The following EPB41L4A variants were observed in gnomAD, a reference collection of about 807,000 sequenced individuals.
EPB41L4A encodes band 4.1-like protein 4A.
A neutral mutation model predicts 108.6 loss-of-function variants in EPB41L4A; 100 were observed. The observed-to-expected ratio is 0.92, with a 90% CI of 0.78 to 1.09. EPB41L4A has a LOEUF of 1.09. Ranked by LOEUF, EPB41L4A falls within the 50% of genes least tolerant of loss-of-function variation. EPB41L4A has a pLI of 0.00. For synonymous variants in EPB41L4A, 319 were observed against 289.0 expected (o/e 1.10, Z -1.05); for missense variants, 1,030 against 842.7 (o/e 1.22, Z -2.75).
intron 17 of EPB41L4A, among the ~76,000 whole-genome samples, chr5:112,184,858 A>G (rs1044607665): frequency 3.3e-5 from 5 of 152,210 alleles, no homozygotes; most frequent in African/African-American, 9.7e-5. Flanking sequence ...AAAAAAAGAT[A>G]ATCCCCAAAT....
rs561220549 is a variant in EPB41L4A, at chr5:112,153,097, T to C, written n.994+5304A>G. ...AGCCTGGCATGGTGTTGTGGGCCTG[T>C]GGTCCCAGCTACTGAGGAGGCTGAG... On this transcript the variant is annotated intron_variant and non_coding_transcript_variant, in intron 12 of 13. Coordinates refer to the EPB41L4A transcript ENST00000507810. Among the ~76,000 whole-genome samples, 5 of 152,020 alleles carry C rather than the reference T, an allele frequency of 3.3e-5. No homozygotes were observed. The East Asian group carries it at 9.7e-4, about 30-fold the overall frequency.
chr5:112,267,353 C>T (rs965956444), intron 4 of EPB41L4A, among the ~76,000 whole-genome samples: 1 of 152,168 alleles, frequency 6.6e-6, no homozygotes. Context: ...ATCTCTTCTC[C>T]AAATGCACAC....
intron 2 of EPB41L4A, among the ~76,000 whole-genome samples, chr5:112,289,649 G>A (rs901969884): frequency 6.6e-6 from 1 of 152,216 alleles, no homozygotes; most frequent in African/African-American, 2.4e-5. Context: ...AACACAGAGA[G>A]TCCACAAGTA....
chr5:112,205,324 G>C, intron 14 of EPB41L4A, 97 bp downstream of exon 14: 1 of 1,030,472 alleles, frequency 9.7e-7, no homozygotes, highest in Admixed American at 1.7e-5. Context: ...AGCTAGCTGT[G>C]ATCAGCCACC....
At chr5:112,222,266 T>C (rs1056285711) in intron 12 of EPB41L4A, among the ~76,000 whole-genome samples, 9 of 152,240 alleles carry the variant, frequency 5.9e-5, no homozygotes, top group African/African-American at 2.2e-4. Flanking sequence ...CAAATCATTC[T>C]AGACCTTTCA....
At chr5:112,359,907 G>C (rs1011637444) in intron 1 of EPB41L4A, among the ~76,000 whole-genome samples, 4 of 152,142 alleles carry the variant, frequency 2.6e-5, no homozygotes, top group African/African-American at 9.7e-5. Context: ...TTATGATACA[G>C]CATTTTCACT....
chr5:112,390,829 C>A (rs562650868), intron 1 of EPB41L4A, among the ~76,000 whole-genome samples: 14 of 152,256 alleles, frequency 9.2e-5, no homozygotes, highest in Non-Finnish European at 2.1e-4. Flanking sequence ...GCTGGGTGCC[C>A]CTCTGAGACA....
intron 1 of EPB41L4A, among the ~76,000 whole-genome samples, chr5:112,345,767 A>G (rs1380661003): frequency 2.1e-5 from 1 of 47,170 alleles, no homozygotes; most frequent in East Asian, 4.4e-4. Context: ...ATATATATAT[A>G]CATATATATA....
intron 2 of EPB41L4A, among the ~76,000 whole-genome samples, chr5:112,286,315 A>C (rs1753274315): frequency 6.6e-6 from 1 of 152,196 alleles, no homozygotes; most frequent in African/African-American, 2.4e-5. Flanking sequence ...CTAGCACCCA[A>C]GGAGCTGAAC....
In EPB41L4A at chr5:112,248,233, A is replaced by C. The variant is rs956508205; in HGVS notation, c.796-7423T>G. ...TTTGCCATGTAGAGTAACTGCTGGC[A>C]TGAATTCCACTGCCATGGCATTTCA... is the stretch of plus-strand genomic sequence containing the variant. On this transcript the variant is annotated intron_variant, in intron 9 of 22. Transcript: ENST00000261486. Among the ~76,000 whole-genome samples, 45 of 152,216 alleles carry C rather than the reference A, an allele frequency of 3.0e-4. 1 individual carries two copies. Among genetic ancestry groups the C allele is most frequent in the African/African-American group, 9.2e-4 (38 of 41,450 alleles).
At chr5:112,289,223 C>A (rs988094472) in intron 2 of EPB41L4A, among the ~76,000 whole-genome samples, 3 of 152,008 alleles carry the variant, frequency 2.0e-5, no homozygotes, top group Non-Finnish European at 4.4e-5. Flanking sequence ...GTCTCGTATG[C>A]ATAATAGAAT....
chr5:112,218,605 G>C (rs1490866243), intron 12 of EPB41L4A, among the ~76,000 whole-genome samples: 1 of 152,192 alleles, frequency 6.6e-6, no homozygotes, highest in Non-Finnish European at 1.5e-5. Flanking sequence ...TCTCAGAGGA[G>C]AGTGCTAGAA....
intron 9 of EPB41L4A, among the ~76,000 whole-genome samples, chr5:112,253,224 G>A (rs565630840): frequency 1.3e-5 from 2 of 152,270 alleles, no homozygotes; most frequent in African/African-American, 2.4e-5. Flanking sequence ...GACAGCCAAC[G>A]AGGGACAGGT....
chr5:112,346,215 C>CTTTTTTTTTTTTTTTTTT lies in EPB41L4A; in HGVS notation c.100-38726_100-38725insAAAAAAAAAAAAAAAAAA, dbSNP rs1479210695. Among the ~76,000 whole-genome samples the CTTTTTTTTTTTTTTTTTT allele has an allele frequency of 4.9e-4, 24 of 49,036 alleles. 2 individuals are homozygous for CTTTTTTTTTTTTTTTTTT. The highest frequency in any genetic ancestry group is 0.031 in the Middle Eastern group (1 of 32). 32.2% of individuals were successfully genotyped at this position (49,036 alleles called of 152,430 possible). On this transcript the variant is annotated intron_variant, in intron 1 of 22. Coordinates refer to ENST00000261486, the MANE Select transcript of EPB41L4A (RefSeq NM_022140.5). ...AAATTCTTTAAAGTTAGGTACATTG[C>CTTTTTTTTTTTTTTTTTT]ATTTTTTTTTTTTTTTTTTTTTTTT... is the stretch of plus-strand genomic sequence containing the variant.
intron 12 of EPB41L4A, among the ~76,000 whole-genome samples, chr5:112,156,322 G>C (rs1275470309): frequency 6.6e-6 from 1 of 152,130 alleles, no homozygotes; most frequent in Non-Finnish European, 1.5e-5. Context: ...AATTATGGTA[G>C]CTCAGAAGTG....
At chr5:112,372,565 A>G (rs879239496) in intron 1 of EPB41L4A, among the ~76,000 whole-genome samples, 1 of 152,368 alleles carries the variant, frequency 6.6e-6, no homozygotes, top group African/African-American at 2.4e-5. Context: ...TGAAGGCAGG[A>G]AAGTATAGGA....
intron 2 of EPB41L4A, among the ~76,000 whole-genome samples, chr5:112,282,425 C>T (rs1019964422): frequency 2.0e-5 from 3 of 152,340 alleles, no homozygotes; most frequent in South Asian, 2.1e-4. Flanking sequence ...CACTTGCATT[C>T]GGTTTCCACT....
intron 12 of EPB41L4A, among the ~76,000 whole-genome samples, chr5:112,153,227 A>T (rs142965496): frequency 2.3e-4 from 34 of 150,172 alleles, no homozygotes; most frequent in African/African-American, 5.9e-4. Flanking sequence ...TCAAAAATTT[A>T]AAAAAAAAGA....
chr5:112,369,763 C>A (rs748246331), intron 1 of EPB41L4A, among the ~76,000 whole-genome samples: 1 of 152,138 alleles, frequency 6.6e-6, no homozygotes, highest in Non-Finnish European at 1.5e-5. Flanking sequence ...CTGGGTGATA[C>A]AAGATGACAG....
Sources: allele counts gnomAD v4.1 joint callset (sites outside exome capture counted in the v4.1 genomes callset), GRCh38; gene constraint gnomAD v4.1.1; transcripts MANE v1.5; gene names NCBI Gene and HGNC (gene_info 2026-07-23, HGNC 2026-07-21).